The following UBE2D3 variants were observed in gnomAD, a reference collection of about 807,000 sequenced individuals.
UBE2D3 encodes the protein ubiquitin conjugating enzyme E2 D3, also known as ubiquitin-conjugating enzyme E2 D3.
In UBE2D3, 2 loss-of-function variants were observed where a neutral mutation model predicts 22.8. The observed-to-expected ratio is 0.09, with a 90% CI of 0.04 to 0.28. The LOEUF is 0.28. Ranked by LOEUF, UBE2D3 falls within the 10% of genes least tolerant of loss-of-function variation. The pLI, the probability that UBE2D3 is intolerant of heterozygous loss-of-function variation, is 1.00. For synonymous variants in UBE2D3, 56 were observed against 60.4 expected (o/e 0.93, Z 0.34); for missense variants, 27 against 182.5 (o/e 0.15, Z 4.91).
chr4:102,865,604 T>C (rs897071504), intron 1 of UBE2D3, among the ~76,000 whole-genome samples: 2 of 151,612 alleles, frequency 1.3e-5, no homozygotes, highest in African/African-American at 4.9e-5. Flanking sequence ...CCAGTGAAAC[T>C]GATGAACAAA....
At chr4:102,827,998 G>A, upstream of UBE2D3, 1 of 985,482 alleles carries the variant, frequency 1.0e-6, no homozygotes, top group Non-Finnish European at 1.2e-6. Context: ...AACCGAAGCG[G>A]TAGCTCTGCA....
At chr4:102,861,195 T>C (rs960086292) in intron 1 of UBE2D3, among the ~76,000 whole-genome samples, 1 of 151,944 alleles carries the variant, frequency 6.6e-6, no homozygotes, top group Admixed American at 6.6e-5. Context: ...TCTGCTGCCT[T>C]GGAGGAGAAG....
intron 1 of UBE2D3, among the ~76,000 whole-genome samples, chr4:102,851,285 G>A (rs944291924): frequency 1.3e-5 from 2 of 152,158 alleles, no homozygotes; most frequent in Non-Finnish European, 2.9e-5. Flanking sequence ...ATGTGACTTT[G>A]TACAACTTCT....
In UBE2D3 at chr4:102,861,242, T is replaced by C. The variant is rs1732886959; in HGVS notation, c.-129+7473A>G. ...AGTGAAACTGTTTTTCTTACCCTCT[T>C]CAATGTGTCTATTCTTGAGTTTTTC... On this transcript the variant is annotated intron_variant, in intron 1 of 7. Coordinates refer to the UBE2D3 transcript ENST00000338145. 1.3e-5 allele frequency among the ~76,000 whole-genome samples: 2 copies of C among 151,856 alleles called. 1 individual carries two copies. The highest frequency in any genetic ancestry group is 4.2e-4 in the South Asian group (2 of 4,816).
intron 1 of UBE2D3, chr4:102,844,032 G>C (rs1173472035): frequency 6.6e-6 from 1 of 152,152 alleles, no homozygotes; most frequent in Non-Finnish European, 1.5e-5. Flanking sequence ...TTCCGAAGAA[G>C]ATACCACACC....
At chr4:102,818,399 G>GA (rs1176780503) in intron 2 of UBE2D3, among the ~76,000 whole-genome samples, 1 of 151,998 alleles carries the variant, frequency 6.6e-6, no homozygotes, top group African/African-American at 2.4e-5. Context: ...CTTCTCACTG[G>GA]AAAAAATACT....
chr4:102,841,947 G>A (rs967973559), intron 1 of UBE2D3, among the ~76,000 whole-genome samples: 4 of 152,212 alleles, frequency 2.6e-5, no homozygotes, highest in Non-Finnish European at 5.9e-5. Context: ...TCATTATAAT[G>A]TAGCACAATA....
chr4:102,839,602 A>G (rs1469793432), intron 1 of UBE2D3, among the ~76,000 whole-genome samples: 4 of 152,202 alleles, frequency 2.6e-5, no homozygotes, highest in Admixed American at 2.6e-4. Context: ...CATTTGCTTT[A>G]TGCTTTACAA....
At chr4:102,812,103 G>T (rs1728140593) in intron 2 of UBE2D3, 1 of 172,194 alleles carries the variant, frequency 5.8e-6, no homozygotes, top group Non-Finnish European at 1.2e-5. Context: ...AGCTCTCTCA[G>T]AAGGGTGCAG....
intron 4 of UBE2D3, among the ~76,000 whole-genome samples, chr4:102,808,168 T>C (rs2110276604): frequency 6.6e-6 from 1 of 152,270 alleles, no homozygotes; most frequent in East Asian, 1.9e-4. Context: ...GTAGGCACTG[T>C]GGTAAACACA....
intron 2 of UBE2D3, chr4:102,825,113 C>A (rs999771691): frequency 2.6e-6 from 1 of 383,594 alleles, no homozygotes; most frequent in Non-Finnish European, 3.6e-6. Flanking sequence ...CAAATAAACT[C>A]CAGTCATAAT....
chr4:102,824,950 C>T (rs529472372), intron 2 of UBE2D3, among the ~76,000 whole-genome samples: 1 of 152,304 alleles, frequency 6.6e-6, no homozygotes, highest in African/African-American at 2.4e-5. Flanking sequence ...GTTTCTTCCT[C>T]TTTTCTTTCA....
intron 1 of UBE2D3, among the ~76,000 whole-genome samples, chr4:102,840,049 A>C (rs1731657426): frequency 6.6e-6 from 1 of 152,230 alleles, no homozygotes; most frequent in South Asian, 2.1e-4. Context: ...AATCATCAGA[A>C]AGATGCAAAT....
chr4:102,826,712 A>T, intron 1 of UBE2D3, 76 bp from the exon 2 acceptor site: 1 of 1,436,652 alleles, frequency 7.0e-7, no homozygotes, highest in Non-Finnish European at 9.1e-7. Flanking sequence ...CCCTTAAGAC[A>T]GCCGCGATCC....
intron 1 of UBE2D3, among the ~76,000 whole-genome samples, chr4:102,850,859 A>C (rs1732306401): frequency 6.6e-6 from 1 of 151,952 alleles, no homozygotes; most frequent in East Asian, 1.9e-4. Context: ...TTATGTTCTC[A>C]CTTATAAGTG....
At chr4:102,833,087 A>G (rs891867593) in intron 1 of UBE2D3, among the ~76,000 whole-genome samples, 1 of 151,716 alleles carries the variant, frequency 6.6e-6, no homozygotes, top group Non-Finnish European at 1.5e-5. Flanking sequence ...CTATGTTTTT[A>G]GCTCTTAAAG....
At chr4:102,839,512 A>T (rs1037694768) in intron 1 of UBE2D3, among the ~76,000 whole-genome samples, 1 of 152,090 alleles carries the variant, frequency 6.6e-6, no homozygotes, top group African/African-American at 2.4e-5. Context: ...GGATCAAGCA[A>T]CCTGCCCGCC....
intron 2 of UBE2D3, among the ~76,000 whole-genome samples, chr4:102,824,876 T>C (rs1299502936): frequency 6.6e-6 from 1 of 152,220 alleles, no homozygotes; most frequent in Non-Finnish European, 1.5e-5. Flanking sequence ...GCCTTTAAAG[T>C]GGTCACAAAA....
At chr4:102,826,089 C>A (rs1000778914) in intron 2 of UBE2D3, among the ~76,000 whole-genome samples, 1 of 152,146 alleles carries the variant, frequency 6.6e-6, no homozygotes, top group Non-Finnish European at 1.5e-5. Flanking sequence ...TAACCTTGAT[C>A]TCACAACTAA....
Sources: gnomAD v4.1 joint callset for allele counts (sites outside exome capture counted in the v4.1 genomes callset) on GRCh38, gnomAD v4.1.1 for gene constraint, MANE v1.5 for transcripts, NCBI Gene and HGNC (gene_info 2026-07-23, HGNC 2026-07-21) for gene names.